The following LTA variants were observed in gnomAD, a reference collection of about 807,000 sequenced individuals.
LTA encodes lymphotoxin alpha.
LTA carries 6 observed loss-of-function variants against 15.1 expected under a neutral mutation model. The ratio of observed to expected loss-of-function variants is 0.40; its 90% confidence interval spans 0.22 to 0.78. The LOEUF (loss-of-function observed/expected upper bound fraction) is 0.78. Ranked by LOEUF, LTA falls within the 30% of genes least tolerant of loss-of-function variation. LTA has a pLI of 0.38. For missense variants in LTA, 173 were observed against 249.5 expected (o/e 0.69, Z 2.06); for synonymous variants, 87 against 107.3 (o/e 0.81, Z 1.17).
chr6:31,567,308 A>AC (rs1260338462), upstream of LTA, among the ~76,000 whole-genome samples: 9 of 151,830 alleles, frequency 5.9e-5, no homozygotes, highest in Non-Finnish European at 1.3e-4. Flanking sequence ...AACAAAAAAA[A>AC]ACTTTGGGAG....
At chr6:31,571,097 G>A (rs1486784473), upstream of LTA, among the ~76,000 whole-genome samples, 1 of 142,770 alleles carries the variant, frequency 7.0e-6, no homozygotes, top group Non-Finnish European at 1.5e-5. Flanking sequence ...GTCTTGCTCT[G>A]TCCCCCAGGC....
In LTA at chr6:31,572,714, C is replaced by G. The variant is rs751157551; in HGVS notation, c.-9-20C>G. ...CCCGCCCCGCTCACTGTCTCTCTCTCTCTCTCTCTTTCTCTGCAGGTTCTC... is the reference window on the plus strand; with the variant it reads ...CCCGCCCCGCTCACTGTCTCTCTCTGTCTCTCTCTTTCTCTGCAGGTTCTC... On this transcript the variant is annotated intron_variant, in intron 1 of 3. Transcript: ENST00000418386. 1 of 1,559,708 alleles carries G rather than the reference C, an allele frequency of 6.4e-7. No homozygotes were observed. The highest frequency in any genetic ancestry group is 8.8e-7 in the Non-Finnish European group (1 of 1,139,854).
At chr6:31,567,816 C>T (rs1770659122), upstream of LTA, among the ~76,000 whole-genome samples, 1 of 152,012 alleles carries the variant, frequency 6.6e-6, no homozygotes, top group African/African-American at 2.4e-5. Context: ...CTCCCACCCG[C>T]CTCCCAGTCT....
chr6:31,573,302 C>T lies in LTA; in HGVS notation c.227C>T (p.Ser76Leu), dbSNP rs780069099. 52 of 1,613,270 alleles carry T rather than the reference C, an allele frequency of 3.2e-5. No individual in the cohort carries two copies. The highest frequency in any genetic ancestry group is 2.2e-5 in the South Asian group (2 of 91,016). Residue 76 changes from serine to leucine, a missense_variant, in exon 4 of 4, where the codon TCA becomes TTA. Ser to Leu is a moderately radical substitution (Grantham distance 145). Transcript: ENST00000418386. ...HLIGDPSKQN[S>L]LLWRANTDRA... ...CTAGGAGACCCCAGCAAGCAGAACT[C>T]ACTGCTCTGGAGAGCAAACACGGAC...
the LTA span, among the ~76,000 whole-genome samples, chr6:31,565,203 A>G: frequency 6.6e-6 from 1 of 152,186 alleles, no homozygotes; most frequent in African/African-American, 2.4e-5. Flanking sequence ...TCATTAGGGG[A>G]AAGCCAGGTT....
intron 1 of LTA, 83 bp from the exon 2 acceptor site, chr6:31,572,651 T>C: frequency 1.1e-6 from 1 of 929,762 alleles, no homozygotes; most frequent in East Asian, 2.5e-5. Context: ...CGGGGGGTGC[T>C]CTCTCCCAGG....
Position 31,573,288 on chromosome 6 carries a change from C to T in LTA, c.213C>T (p.Pro71=), listed in dbSNP as rs750662369. ...LKPAAHLIGD[P]SKQNSLLWRA... is the part of the protein sequence containing the mutation. ...CCCTATGGCTCTTCCTAGGAGACCC[C>T]AGCAAGCAGAACTCACTGCTCTGGA... The change falls in exon 4 of 4, where the codon CCC becomes CCT. Residue 71 remains proline, a synonymous_variant. Transcript: ENST00000418386. The T allele has an allele frequency of 6.2e-7, 1 of 1,611,828 alleles. No homozygotes were observed.
At chr6:31,561,398 G>A in the LTA span, among the ~76,000 whole-genome samples, 2 of 152,178 alleles carry the variant, frequency 1.3e-5, no homozygotes, top group Non-Finnish European at 2.9e-5. Context: ...AAGGTGGGTG[G>A]TGGTGGCCAG....
chr6:31,572,879 C>T, intron 2 of LTA, 38 bp downstream of exon 2: 5 of 1,610,900 alleles, frequency 3.1e-6, no homozygotes, highest in Non-Finnish European at 4.2e-6. Flanking sequence ...TGGGGTGGCT[C>T]AGCCAAACCT....
At chr6:31,561,091 G>A in the LTA span, among the ~76,000 whole-genome samples, 4 of 152,180 alleles carry the variant, frequency 2.6e-5, no homozygotes, top group Non-Finnish European at 4.4e-5. Flanking sequence ...AACACGTCTT[G>A]AGCGAGCCTG....
chr6:31,572,110 C>T (rs1583039328), upstream of LTA: 1 of 154,790 alleles, frequency 6.5e-6, no homozygotes, highest in Non-Finnish European at 1.5e-5. Flanking sequence ...GTCGCCTGAA[C>T]CCCCAGCCTG....
chr6:31,563,851 G>A, the LTA span, among the ~76,000 whole-genome samples: 3 of 152,058 alleles, frequency 2.0e-5, no homozygotes, highest in South Asian at 4.1e-4. Context: ...CAGGTGATCC[G>A]CCCACCTTGG....
intron 3 of LTA, 59 bp from the exon 4 acceptor site, chr6:31,573,222 T>C: frequency 1.3e-6 from 2 of 1,531,216 alleles, no homozygotes; most frequent in Non-Finnish European, 1.8e-6. Flanking sequence ...TCCTCAGGGA[T>C]TGAGACCTCT....
rs145055962 is a variant in LTA at position 31,572,763 on chromosome 6, C to T, written c.21C>T (p.Leu7=). The T allele has an allele frequency of 2.5e-5, 41 of 1,610,106 alleles. No homozygotes were observed. Among genetic ancestry groups the T allele is most frequent in the Non-Finnish European group, 3.4e-5 (40 of 1,179,746 alleles). The stretch of plus-strand genomic sequence containing the variant: ...TCCCCATGACACCACCTGAACGTCT[C>T]TTCCTCCCAAGGGTGTGTGGCACCA... MTPPER[L]FLPRVCGTTL... is the part of the protein sequence containing the mutation. Residue 7 remains leucine, a synonymous_variant, in exon 2 of 4, where the codon CTC becomes CTT. Coordinates refer to ENST00000418386, the MANE Select transcript of LTA (RefSeq NM_000595.4).
chr6:31,564,244 G>A, the LTA span, among the ~76,000 whole-genome samples: 5 of 152,154 alleles, frequency 3.3e-5, no homozygotes, highest in South Asian at 4.1e-4. Flanking sequence ...AGGCCAGACT[G>A]TAAGACTCAT....
At chr6:31,561,094 C>T in the LTA span, among the ~76,000 whole-genome samples, 3 of 152,062 alleles carry the variant, frequency 2.0e-5, no homozygotes, top group Admixed American at 2.0e-4. Context: ...ACGTCTTGAG[C>T]GAGCCTGACA....
chr6:31,573,185 C>T, intron 3 of LTA, 96 bp from the exon 4 acceptor site: 1 of 1,343,906 alleles, frequency 7.4e-7, no homozygotes, highest in South Asian at 1.3e-5. Context: ...TGCCATCCCC[C>T]AGGAACTCAG....
At chr6:31,572,636 G>GGGGTCGGGGGGTGCTCTCTCTC (rs1770899393) in intron 1 of LTA, 98 bp from the exon 2 acceptor site, 6 of 789,718 alleles carry the variant, frequency 7.6e-6, no homozygotes, top group Non-Finnish European at 8.5e-6. Context: ...CTCTCTCTCG[G>GGGGTCGGGGGGTGCTCTCTCTC]GGGTCGGGGG....
upstream of LTA, among the ~76,000 whole-genome samples, chr6:31,567,913 C>T (rs1583033495): frequency 6.6e-6 from 1 of 152,062 alleles, no homozygotes. Context: ...AGTAGCTGCT[C>T]CCTTTACCTG....
Sources: gnomAD v4.1 joint callset for allele counts (sites outside exome capture counted in the v4.1 genomes callset) on GRCh38, gnomAD v4.1.1 for gene constraint, MANE v1.5 for transcripts, NCBI Gene and HGNC (gene_info 2026-07-23, HGNC 2026-07-21) for gene names.